FSHR: variants seen among roughly 807,000 people sequenced by gnomAD.
FSHR encodes the protein follicle stimulating hormone receptor, also known as follicle-stimulating hormone receptor.
In FSHR, 46 loss-of-function variants were observed where a neutral mutation model predicts 52.1. The observed-to-expected ratio is 0.88, with a 90% CI of 0.70 to 1.13. The LOEUF is 1.13. Ranked by LOEUF, FSHR falls within the 50% of genes most tolerant of loss-of-function variation. The probability of loss-of-function intolerance (pLI) is 0.00; values close to 1 mark genes in which losing one functional copy is unlikely to be tolerated. For missense variants in FSHR, 964 were observed against 834.6 expected (o/e 1.16, Z -1.91); for synonymous variants, 399 against 309.6 (o/e 1.29, Z -3.03).
intron 2 of FSHR, among the ~76,000 whole-genome samples, chr2:49,036,554 G>C (rs1044900218): frequency 1.4e-4 from 22 of 152,150 alleles, no homozygotes; most frequent in African/African-American, 5.3e-4. Context: ...AGTCAGGGCT[G>C]CAGCTTTGGA....
chr2:49,093,787 G>A (rs897069239), intron 1 of FSHR, among the ~76,000 whole-genome samples: 2 of 151,976 alleles, frequency 1.3e-5, no homozygotes, highest in East Asian at 1.9e-4. Flanking sequence ...AGTAGAGACC[G>A]AGTTTCACCA....
At chr2:49,084,617 A>G (rs1393905890) in intron 1 of FSHR, among the ~76,000 whole-genome samples, 1 of 152,348 alleles carries the variant, frequency 6.6e-6, no homozygotes, top group Non-Finnish European at 1.5e-5. Flanking sequence ...TAAAGAAAAA[A>G]AGAGAGAAGA....
chr2:49,091,776 G>A (rs1423684138), intron 1 of FSHR, among the ~76,000 whole-genome samples: 4 of 152,100 alleles, frequency 2.6e-5, no homozygotes, highest in Non-Finnish European at 5.9e-5. Flanking sequence ...CTTGATTATT[G>A]CAGTTTTATA....
At chr2:49,117,047 C>T (rs753948200) in intron 1 of FSHR, among the ~76,000 whole-genome samples, 1 of 152,210 alleles carries the variant, frequency 6.6e-6, no homozygotes, top group African/African-American at 2.4e-5. Flanking sequence ...ATGGCCCCAG[C>T]ACTTTGTGAG....
chr2:49,149,455 G>C (rs1321296950), intron 1 of FSHR, among the ~76,000 whole-genome samples: 1 of 152,076 alleles, frequency 6.6e-6, no homozygotes, highest in East Asian at 1.9e-4. Flanking sequence ...TCAGACTTTA[G>C]AAGGAATTTA....
At chr2:49,103,380 G>C (rs961604541) in intron 1 of FSHR, among the ~76,000 whole-genome samples, 19 of 152,262 alleles carry the variant, frequency 1.2e-4, no homozygotes, top group African/African-American at 4.1e-4. Context: ...AACACAGTCA[G>C]TCATAAGACA....
At chr2:49,154,198 A>G (rs1168000902) in intron 1 of FSHR, 68 bp downstream of exon 1, 25 of 1,524,092 alleles carry the variant, frequency 1.6e-5, no homozygotes, top group Non-Finnish European at 2.2e-5. Context: ...GCCTAATGTA[A>G]AAATAATAAT....
intron 2 of FSHR, among the ~76,000 whole-genome samples, chr2:49,023,548 A>G (rs1250455153): frequency 6.6e-6 from 1 of 152,168 alleles, no homozygotes; most frequent in Non-Finnish European, 1.5e-5. Flanking sequence ...AATTTTACTA[A>G]TACAGAGTAT....
In FSHR at chr2:49,124,118, G is replaced by A. The variant is rs774482737; in HGVS notation, c.152+30148C>T. 4.0e-4 allele frequency among the ~76,000 whole-genome samples: 60 copies of A among 150,654 alleles called. 1 individual carries two copies. Among genetic ancestry groups the A allele is most frequent in the Non-Finnish European group, 7.4e-4 (50 of 67,784 alleles). ...AGGCAATTCTCTGTCTCAGCCTCCCGAGTAGCTGGGATTACAGGCACCCAC... is the reference window on the plus strand; with the variant it reads ...AGGCAATTCTCTGTCTCAGCCTCCCAAGTAGCTGGGATTACAGGCACCCAC... On this transcript the variant is annotated intron_variant, in intron 1 of 9. Transcript: ENST00000406846.
At chr2:49,121,494 G>C (rs1218779073) in intron 1 of FSHR, among the ~76,000 whole-genome samples, 1 of 152,038 alleles carries the variant, frequency 6.6e-6, no homozygotes, top group African/African-American at 2.4e-5. Context: ...TGCATCTCTA[G>C]AGTTGAAAGC....
Position 48,990,619 on chromosome 2 carries a change from A to G in FSHR, c.393T>C (p.Gly131=), listed in dbSNP as rs754335673. Residue 131 remains glycine (G), a synonymous_variant, in exon 5 of 10, where the codon GGT becomes GGC. Coordinates refer to ENST00000406846, the MANE Select transcript of FSHR (RefSeq NM_000145.4). ...TGTGAACATCTGGAAGGTGCTTAAT[A>G]CCTGTGTTGGATATTAACCTAGAGA... ...NLQYLLISNT[G]IKHLPDVHKI... is the part of the protein sequence containing the mutation. 2.0e-5 allele frequency: 33 copies of G among 1,610,530 alleles called. No homozygotes were observed. Among genetic ancestry groups the G allele is most frequent in the Non-Finnish European group, 2.7e-5 (32 of 1,176,922 alleles).
intron 9 of FSHR, among the ~76,000 whole-genome samples, chr2:48,964,972 A>G (rs1258008242): frequency 6.7e-6 from 1 of 148,344 alleles, no homozygotes; most frequent in East Asian, 2.0e-4. Context: ...AATAAGCCTT[A>G]CGTTAGGACC....
intron 1 of FSHR, among the ~76,000 whole-genome samples, chr2:49,084,232 C>A (rs184524490): frequency 1.4e-5 from 2 of 141,476 alleles, no homozygotes; most frequent in Non-Finnish European, 3.1e-5. Context: ...GAACAACCTG[C>A]CCCTGAATGA....
intron 1 of FSHR, among the ~76,000 whole-genome samples, chr2:49,132,284 T>G (rs1259811085): frequency 6.6e-6 from 1 of 152,220 alleles, no homozygotes; most frequent in Non-Finnish European, 1.5e-5. Context: ...ACTCTGTTGG[T>G]GAAATTACTT....
At chr2:49,051,255 A>G (rs1393997113) in intron 2 of FSHR, among the ~76,000 whole-genome samples, 1 of 152,052 alleles carries the variant, frequency 6.6e-6, no homozygotes, top group Non-Finnish European at 1.5e-5. Flanking sequence ...AATATAAGAA[A>G]CTGACAAACT....
intron 1 of FSHR, among the ~76,000 whole-genome samples, chr2:49,117,927 T>C (rs1239919990): frequency 6.6e-6 from 1 of 152,192 alleles, no homozygotes; most frequent in Non-Finnish European, 1.5e-5. Context: ...AGGAGAATTA[T>C]AGAATTATTT....
chr2:49,113,651 A>G (rs576906548), intron 1 of FSHR, among the ~76,000 whole-genome samples: 1 of 152,274 alleles, frequency 6.6e-6, no homozygotes, highest in South Asian at 2.1e-4. Context: ...TTTTCCCCCT[A>G]AACAATTAGT....
intron 4 of FSHR, among the ~76,000 whole-genome samples, chr2:49,016,595 T>G (rs560726019): frequency 6.6e-6 from 1 of 152,200 alleles, no homozygotes; most frequent in Admixed American, 6.6e-5. Context: ...CAATTAACAA[T>G]AGATGTATAA....
chr2:49,055,880 TA>T (rs1329730011), intron 2 of FSHR, among the ~76,000 whole-genome samples: 3 of 152,026 alleles, frequency 2.0e-5, no homozygotes, highest in African/African-American at 7.2e-5. Context: ...TGATCACAAC[TA>T]GACCTGCCAA....
Sources: gnomAD v4.1 joint callset for allele counts (sites outside exome capture counted in the v4.1 genomes callset) on GRCh38, gnomAD v4.1.1 for gene constraint, MANE v1.5 for transcripts, NCBI Gene and HGNC (gene_info 2026-07-23, HGNC 2026-07-21) for gene names.